Variants in NFIB observed in about 807,000 individuals in gnomAD.
The protein encoded by NFIB is nuclear factor 1 B-type.
NFIB carries 11 observed loss-of-function variants against 61.5 expected under a neutral mutation model. The ratio of observed to expected loss-of-function variants is 0.18; its 90% confidence interval spans 0.11 to 0.30. The LOEUF (loss-of-function observed/expected upper bound fraction) is 0.30, where lower values mean the gene tolerates loss of function less well. Ranked by LOEUF, NFIB falls within the 10% of genes least tolerant of loss-of-function variation. The probability of loss-of-function intolerance (pLI) is 1.00; values close to 1 mark genes in which losing one functional copy is unlikely to be tolerated. For missense variants in NFIB, 471 were observed against 608.9 expected (o/e 0.77, Z 2.38); for synonymous variants, 260 against 216.5 (o/e 1.20, Z -1.76).
At chr9:14,407,740 G>A in the NFIB span, among the ~76,000 whole-genome samples, 1 of 152,068 alleles carries the variant, frequency 6.6e-6, no homozygotes, top group Admixed American at 6.6e-5. Flanking sequence ...AGGCTGGAGT[G>A]TGGTGGTACA....
At chr9:14,523,442 G>C in the NFIB span, among the ~76,000 whole-genome samples, 1 of 151,972 alleles carries the variant, frequency 6.6e-6, no homozygotes, top group African/African-American at 2.4e-5. Flanking sequence ...TGAGGTTTCT[G>C]TTATTCCTGC....
chr9:14,437,733 C>T, the NFIB span, among the ~76,000 whole-genome samples: 13 of 152,332 alleles, frequency 8.5e-5, no homozygotes, highest in Admixed American at 2.6e-4. Context: ...CCAGCATTGC[C>T]ACTCCTACCT....
intron 1 of NFIB, among the ~76,000 whole-genome samples, chr9:14,339,146 A>G (rs1011264783): frequency 6.6e-6 from 1 of 152,236 alleles, no homozygotes; most frequent in Admixed American, 6.5e-5. Context: ...GTATCCTGTC[A>G]GAAAATGTAA....
chr9:14,179,693 G>A (rs753839611), intron 3 of NFIB, 34 bp downstream of exon 3: 15 of 1,610,632 alleles, frequency 9.3e-6, no homozygotes, highest in African/African-American at 1.3e-5. Flanking sequence ...CTCCAACAAT[G>A]TCAGATTGCA....
Position 14,085,093 on chromosome 9 carries a change from C to T in NFIB, c.*3216G>A, listed in dbSNP as rs956357227. On this transcript the variant is annotated 3_prime_UTR_variant, in exon 11 of 11. Transcript: ENST00000380953. ...ATCTGTTTGCTACCAGGGCGAGTAT[C>T]ACAGAAATGATTGGACTTACTTTTG... is the stretch of plus-strand genomic sequence containing the variant. 1.3e-5 allele frequency: 3 copies of T among 229,252 alleles called. No individual in the cohort carries two copies. The highest frequency in any genetic ancestry group is 2.6e-5 in the Non-Finnish European group (3 of 115,500). 14.2% of individuals were successfully genotyped at this position (229,252 alleles called of 1,614,324 possible).
intron 1 of NFIB, among the ~76,000 whole-genome samples, chr9:14,353,035 C>G (rs1408343717): frequency 6.6e-6 from 1 of 152,094 alleles, no homozygotes; most frequent in African/African-American, 2.4e-5. Context: ...GGAGGGCACA[C>G]AGAGGCAAGC....
chr9:14,386,115 A>G (rs957742068), intron 1 of NFIB, among the ~76,000 whole-genome samples: 1 of 152,210 alleles, frequency 6.6e-6, no homozygotes, highest in African/African-American at 2.4e-5. Context: ...GTGCTGAATC[A>G]TTAGATGAAA....
chr9:14,166,314 T>C (rs2044782843), intron 3 of NFIB, among the ~76,000 whole-genome samples: 1 of 152,244 alleles, frequency 6.6e-6, no homozygotes, highest in African/African-American at 2.4e-5. Flanking sequence ...TGAGGAACTC[T>C]ATTTTTTGAT....
At chr9:14,494,673 C>G in the NFIB span, among the ~76,000 whole-genome samples, 1 of 152,216 alleles carries the variant, frequency 6.6e-6, no homozygotes, top group African/African-American at 2.4e-5. Context: ...GCTCAGCATG[C>G]CCACTCCTTC....
chr9:14,198,667 G>C (rs943562185), intron 2 of NFIB, among the ~76,000 whole-genome samples: 4 of 152,160 alleles, frequency 2.6e-5, no homozygotes, highest in African/African-American at 9.7e-5. Context: ...ACTGGGACTC[G>C]TACAGCAATG....
chr9:14,130,023 A>G (rs1462532859), intron 6 of NFIB, among the ~76,000 whole-genome samples: 1 of 152,180 alleles, frequency 6.6e-6, no homozygotes, highest in Non-Finnish European at 1.5e-5. Context: ...GAAAGTAATA[A>G]TTTATAAATG....
At chr9:14,255,949 A>T (rs1191800155) in intron 2 of NFIB, among the ~76,000 whole-genome samples, 2 of 152,242 alleles carry the variant, frequency 1.3e-5, no homozygotes, top group Admixed American at 1.3e-4. Flanking sequence ...GTGAAATACA[A>T]AACACTGTAC....
intron 2 of NFIB, among the ~76,000 whole-genome samples, chr9:14,186,331 A>C (rs1429008108): frequency 1.3e-5 from 2 of 152,168 alleles, no homozygotes; most frequent in African/African-American, 2.4e-5. Context: ...TCTTTGCCTT[A>C]AGCAGGTGAA....
the NFIB span, among the ~76,000 whole-genome samples, chr9:14,466,643 G>A: frequency 6.6e-6 from 1 of 152,148 alleles, no homozygotes; most frequent in Non-Finnish European, 1.5e-5. Flanking sequence ...CCAGCAAGGG[G>A]CCTTCTCTGC....
intron 2 of NFIB, among the ~76,000 whole-genome samples, chr9:14,251,700 A>T (rs1470444416): frequency 6.6e-6 from 1 of 152,196 alleles, no homozygotes; most frequent in Non-Finnish European, 1.5e-5. Context: ...GAGGTCAGCT[A>T]ATCCCAGTTT....
intron 1 of NFIB, among the ~76,000 whole-genome samples, chr9:14,341,740 C>T (rs931799065): frequency 6.6e-6 from 1 of 152,178 alleles, no homozygotes; most frequent in African/African-American, 2.4e-5. Context: ...GCTGGGGGCT[C>T]ATCCATGGCT....
intron 2 of NFIB, among the ~76,000 whole-genome samples, chr9:14,283,300 G>A (rs2058498751): frequency 6.6e-6 from 1 of 152,160 alleles, no homozygotes; most frequent in Non-Finnish European, 1.5e-5. Context: ...TTGTGTATTT[G>A]TATCATTGCA....
intron 2 of NFIB, among the ~76,000 whole-genome samples, chr9:14,199,777 T>C (rs2048827874): frequency 7.2e-6 from 1 of 138,462 alleles, no homozygotes; most frequent in Non-Finnish European, 1.5e-5. Context: ...CCAGGATCCA[T>C]TTTTTTTTTA....
At chr9:14,405,858 G>C in the NFIB span, among the ~76,000 whole-genome samples, 1 of 152,146 alleles carries the variant, frequency 6.6e-6, no homozygotes, top group African/African-American at 2.4e-5. Context: ...TAGAAAGCAA[G>C]AATATAAATC....
Sources: gnomAD v4.1 joint callset for allele counts (sites outside exome capture counted in the v4.1 genomes callset) on GRCh38, gnomAD v4.1.1 for gene constraint, MANE v1.5 for transcripts, NCBI Gene and HGNC (gene_info 2026-07-23, HGNC 2026-07-21) for gene names.